Variants in RAB11FIP1 observed in about 807,000 individuals in gnomAD.
RAB11FIP1 encodes the protein rab11 family-interacting protein 1.
In RAB11FIP1, 49 loss-of-function variants were observed where a neutral mutation model predicts 83.1. That is an observed-to-expected ratio of 0.59 (90% CI 0.47 to 0.75). The LOEUF is 0.75. Ranked by LOEUF, RAB11FIP1 falls within the 30% of genes least tolerant of loss-of-function variation. The pLI is 0.00. For missense variants in RAB11FIP1, 1,536 were observed against 1,598.7 expected (o/e 0.96, Z 0.67); for synonymous variants, 670 against 656.0 (o/e 1.02, Z -0.33).
At position 37,859,111 on chromosome 8, in the gene RAB11FIP1, T is replaced by A. The variant is rs1228852032; in HGVS notation, c.*3784A>T. On this transcript the variant is annotated 3_prime_UTR_variant, in exon 6 of 6. Transcript: ENST00000330843. ...ATCCTTCAGTTGGAGGAAGAGGGCG[T>A]CAGTTAAGTAGCTCACACAGTAGAT... The A allele has an allele frequency of 6.6e-6, 1 of 152,106 alleles. No homozygotes were observed. The highest frequency in any genetic ancestry group is 1.5e-5 in the Non-Finnish European group (1 of 68,026). 9.4% of individuals were successfully genotyped at this position (152,106 alleles called of 1,614,324 possible).
chr8:37,869,227 CAAA>C (rs59449975), intron 5 of RAB11FIP1, among the ~76,000 whole-genome samples: 38 of 126,818 alleles, frequency 3.0e-4, no homozygotes, highest in Admixed American at 5.7e-4. Context: ...GATCCTGTAT[CAAA>C]AAAAAAAAAA....
intron 1 of RAB11FIP1, among the ~76,000 whole-genome samples, chr8:37,888,146 G>A (rs147156507): frequency 2.7e-4 from 41 of 152,196 alleles, no homozygotes; most frequent in South Asian, 1.0e-3. Context: ...TCATTCTGTC[G>A]CCCAGGCTGG....
Position 37,871,328 on chromosome 8 carries a change from T to C in RAB11FIP1, c.3474A>G (p.Thr1158=). The C allele has an allele frequency of 6.2e-7, 1 of 1,613,842 alleles. No individual in the cohort carries two copies. ...LLQAWVSPSE[T]HPVSAQPGAG... is the part of the protein sequence containing the mutation. ...CGCCTGGCTGAGCTGAGACTGGATG[T>C]GTCTCCGAGGGTGAGACCCAGGCCT... is the stretch of plus-strand genomic sequence containing the variant. The change falls in exon 4 of 6, where the codon ACA becomes ACG. Residue 1158 remains threonine, a synonymous_variant. Transcript: ENST00000330843.
At chr8:37,888,863 T>C (rs1349271451) in intron 1 of RAB11FIP1, among the ~76,000 whole-genome samples, 2 of 148,382 alleles carry the variant, frequency 1.3e-5, no homozygotes, top group South Asian at 2.2e-4. Flanking sequence ...AGTGGCGCTA[T>C]CTCAGCTCAC....
Position 37,871,840 on chromosome 8 carries a change from T to G in RAB11FIP1, c.2962A>C (p.Thr988Pro), listed in dbSNP as rs770642562. 1.9e-6 allele frequency: 3 copies of G among 1,614,188 alleles called. No homozygotes were observed. The highest frequency in any genetic ancestry group is 2.5e-6 in the Non-Finnish European group (3 of 1,180,022). Residue 988 changes from threonine to proline, a missense_variant, in exon 4 of 6, where the codon ACA (threonine) becomes CCA (proline). By Grantham distance (38) the Thr-to-Pro change is conservative (BLOSUM62 -1). Transcript: ENST00000330843. ...ATGTCCAGAGTTGACGACTTTGCTGTCTCTCCATCATCTTCAACCTGATCT... is the reference window on the plus strand; with the variant it reads ...ATGTCCAGAGTTGACGACTTTGCTGGCTCTCCATCATCTTCAACCTGATCT... Reference protein sequence around the residue: ...DGDQVEDDGETAKSSTLDIGA... With the variant: ...DGDQVEDDGEPAKSSTLDIGA...
rs368075504 is a variant in RAB11FIP1 at position 37,872,504 on chromosome 8, A to G, written c.2298T>C (p.Asp766=). 3.7e-6 allele frequency: 6 copies of G among 1,613,912 alleles called. No homozygotes were observed. The highest frequency in any genetic ancestry group is 1.3e-5 in the African/African-American group (1 of 74,870). Residue 766 remains aspartate (D), a synonymous_variant, in exon 4 of 6, where the codon GAT becomes GAC. Transcript: ENST00000330843. ...AGSLVESKAR[D]AAEEVAPPLP... Reference sequence around the variant, plus strand: ...GAGGGGGCGCCACTTCTTCAGCTGCATCCCTGGCTTTGCTCTCCACAAGAG... The same window carrying G: ...GAGGGGGCGCCACTTCTTCAGCTGCGTCCCTGGCTTTGCTCTCCACAAGAG...
chr8:37,874,368 T>G (rs1806553177), intron 3 of RAB11FIP1, 147 bp downstream of exon 3: 1 of 667,262 alleles, frequency 1.5e-6, no homozygotes, highest in Non-Finnish European at 2.5e-6. Context: ...CAGTAGGGAC[T>G]GGTTAAAAAA....
rs779037442 is a variant in RAB11FIP1 at position 37,862,933 on chromosome 8, T to C, written c.3814A>G (p.Ile1272Val). The C allele has an allele frequency of 5.0e-6, 8 of 1,613,140 alleles. No homozygotes were observed. Among genetic ancestry groups the C allele is most frequent in the East Asian group, 2.2e-5 (1 of 44,850 alleles). Residue 1272 changes from isoleucine (I) to valine (V), a missense_variant, in exon 6 of 6, where the codon ATC becomes GTC. Ile to Val is a conservative substitution (Grantham distance 29). Coordinates refer to ENST00000330843, the MANE Select transcript of RAB11FIP1 (RefSeq NM_001002814.3). ...VMEETPNILR[I>V]PTQVGKKAGK... The stretch of plus-strand genomic sequence containing the variant: ...GCTTTTTTGCCAACCTGAGTCGGGA[T>C]GCGGAGGATATTGGGGGTTTCTTCC...
rs1246228102 is a variant in RAB11FIP1 at position 37,871,302 on chromosome 8, G to T, written c.3500C>A (p.Ala1167Asp). The change falls in exon 4 of 6, where the codon GCT becomes GAT. Residue 1167 changes from alanine (A) to aspartate (D), a missense_variant. By Grantham distance (126) the Ala-to-Asp change is moderately radical (BLOSUM62 -2). Transcript: ENST00000330843. ...CCTGTGCTTGGCTGACCCAGTTCCA[G>T]CGCCTGGCTGAGCTGAGACTGGATG... is the stretch of plus-strand genomic sequence containing the variant. ...ETHPVSAQPG[A>D]GTGSAKHRLH... 6.2e-7 allele frequency: 1 copy of T among 1,611,628 alleles called. No homozygotes were observed. Among genetic ancestry groups the T allele is most frequent in the Admixed American group, 1.7e-5 (1 of 59,546 alleles).
At position 37,899,092 on chromosome 8, in the gene RAB11FIP1, T is replaced by G. The variant is rs569892918; in HGVS notation, c.350A>C (p.Asp117Ala). ...TCACTGCGTCTTCCTGCGGCCCTGGTCGCGGTGCAGATCCCGCAGGTCCAC... is the reference window on the plus strand; with the variant it reads ...TCACTGCGTCTTCCTGCGGCCCTGGGCGCGGTGCAGATCCCGCAGGTCCAC... ...AEVDLRDLHR[D>A]QGRRKTQWYK... Residue 117 changes from aspartate (D) to alanine (A), a missense_variant, in exon 1 of 6, where the codon GAC (aspartate) becomes GCC (alanine). By Grantham distance (126) the Asp-to-Ala change is moderately radical. Transcript: ENST00000330843. This position sits in a 1 kb window ranked among gnomAD's most constrained non-coding sequence, Gnocchi z 4.5. The G allele has an allele frequency of 2.3e-5, 35 of 1,516,816 alleles. 2 individuals are homozygous for G. The African/African-American group carries it at 3.3e-4, about 14-fold the overall frequency. The allele number at this position is 1,516,816 out of a possible 1,614,324, so 94.0% of individuals were successfully genotyped here. A position where few individuals can be genotyped will look rare whatever the true frequency, so the allele number is the denominator to read the frequency against.
rs947570522 is a variant in RAB11FIP1 at position 37,875,808 on chromosome 8, T to TA, written c.815-487dup. Among the ~76,000 whole-genome samples, 4 of 151,064 alleles carry TA rather than the reference T, an allele frequency of 2.6e-5. No homozygotes were observed. In the South Asian group the frequency reaches 6.3e-4, roughly 24 times the overall value. ...CCATAAGGTTCCATGGTTTTACCCT[T>TA]AAAAAAAAGAAAAAAAAAACTTGGA... is the stretch of plus-strand genomic sequence containing the variant. On this transcript the variant is annotated intron_variant, in intron 2 of 5. Coordinates refer to ENST00000330843, the MANE Select transcript of RAB11FIP1 (RefSeq NM_001002814.3).
Position 37,873,040 on chromosome 8 carries a change from A to C in RAB11FIP1, c.1762T>G (p.Ser588Ala), listed in dbSNP as rs773565877. 1.2e-6 allele frequency: 2 copies of C among 1,613,960 alleles called. No homozygotes were observed. Among genetic ancestry groups the C allele is most frequent in the African/African-American group, 2.7e-5 (2 of 74,888 alleles). Reference protein sequence around the residue: ...SELGHGADTQSSESPSVFSSL... With the variant: ...SELGHGADTQASESPSVFSSL... ...GAGAAGACAGAAGGACTCTCAGAGG[A>C]CTGTGTGTCTGCACCATGTCCCAAT... The change falls in exon 4 of 6, where the codon TCC becomes GCC. Residue 588 changes from serine (S) to alanine (A), a missense_variant. Ser to Ala is a moderately conservative substitution (Grantham distance 99). Transcript: ENST00000330843.
intron 1 of RAB11FIP1, among the ~76,000 whole-genome samples, chr8:37,897,505 C>A (rs1163912515): frequency 1.3e-5 from 2 of 149,038 alleles, no homozygotes; most frequent in Admixed American, 1.3e-4. Context: ...CATAATCGAA[C>A]GTTCCTTTGG....
Position 37,887,734 on chromosome 8 carries a change from G to A in RAB11FIP1, c.372-10183C>T, listed in dbSNP as rs146928808. Among the ~76,000 whole-genome samples the A allele has an allele frequency of 2.5e-3, 387 of 152,212 alleles. 5 individuals are homozygous for A. The highest frequency in any genetic ancestry group is 6.8e-3 in the Middle Eastern group (2 of 294). ...AACACCCACCTCATAAGAATGTTAG[G>A]AAGATTAAATGGCTTAATGTATGCA... On this transcript the variant is annotated intron_variant, in intron 1 of 5. Transcript: ENST00000330843.
At chr8:37,897,649 A>C (rs191724190) in intron 1 of RAB11FIP1, among the ~76,000 whole-genome samples, 29 of 152,128 alleles carry the variant, frequency 1.9e-4, no homozygotes, top group Admixed American at 1.6e-3. Context: ...AGGCGAGCAG[A>C]CATCCACCAG....
intron 1 of RAB11FIP1, among the ~76,000 whole-genome samples, chr8:37,891,751 T>C (rs1415476564): frequency 6.6e-6 from 1 of 152,162 alleles, no homozygotes; most frequent in Admixed American, 6.5e-5. Flanking sequence ...TTTTTTTTCA[T>C]TTATGGGTCT....
Position 37,872,697 on chromosome 8 carries a change from T to C in RAB11FIP1, c.2105A>G (p.Gln702Arg). 6.2e-7 allele frequency: 1 copy of C among 1,614,240 alleles called. No homozygotes were observed. The highest frequency in any genetic ancestry group is 8.5e-7 in the Non-Finnish European group (1 of 1,180,042). The stretch of plus-strand genomic sequence containing the variant: ...GGGGAATCTCGGAAGTTCTTCCTCT[T>C]GTCGCCCTGTTTCAGGCTGCTCTGG... Reference protein sequence around the residue: ...SLPEQPETGRQEEELPRFPCK... With the variant: ...SLPEQPETGRREEELPRFPCK... The change falls in exon 4 of 6, where the codon CAA becomes CGA. Residue 702 changes from glutamine (Q) to arginine (R), a missense_variant. By Grantham distance (43) the Gln-to-Arg change is conservative. Coordinates refer to ENST00000330843, the MANE Select transcript of RAB11FIP1 (RefSeq NM_001002814.3).
At chr8:37,871,226 G>A in intron 4 of RAB11FIP1, 52 bp downstream of exon 4, 1 of 1,539,290 alleles carries the variant, frequency 6.5e-7, no homozygotes, top group South Asian at 1.3e-5. Context: ...CAGGTAGGAA[G>A]CAAAGGGGGA....
rs773446991 is a variant in RAB11FIP1, at chr8:37,875,249, C to T, written c.888G>A (p.Lys296=). ...GGCCACCAAGAAAGGAAAGTCCTTC[C>T]TTCTTGGGAAGGGTAAAGTTGACCT... ...LNQVNFTLPK[K]EGLSFLGGLR... Residue 296 remains lysine (K), a synonymous_variant, in exon 3 of 6, where the codon AAG becomes AAA. Coordinates refer to ENST00000330843, the MANE Select transcript of RAB11FIP1 (RefSeq NM_001002814.3). 1 of 1,614,002 alleles carries T rather than the reference C, an allele frequency of 6.2e-7. No homozygotes were observed. The highest frequency in any genetic ancestry group is 1.1e-5 in the South Asian group (1 of 91,062).
Sources: allele counts gnomAD v4.1 joint callset (sites outside exome capture counted in the v4.1 genomes callset), GRCh38; gene constraint gnomAD v4.1.1; non-coding constraint Gnocchi (gnomAD v3.1); transcripts MANE v1.5; gene names NCBI Gene and HGNC (gene_info 2026-07-23, HGNC 2026-07-21).